Variants in ZNF43 observed in about 807,000 individuals in gnomAD.
ZNF43 encodes the protein zinc finger protein 43.
ZNF43 carries 44 observed loss-of-function variants against 68.4 expected under a neutral mutation model. The ratio of observed to expected loss-of-function variants is 0.64; its 90% CI spans 0.51 to 0.83. The LOEUF (loss-of-function observed/expected upper bound fraction) is 0.83. Ranked by LOEUF, ZNF43 falls within the 40% of genes least tolerant of loss-of-function variation. ZNF43 has a pLI of 0.00. For missense variants in ZNF43, 896 were observed against 933.2 expected, an observed-to-expected ratio of 0.96 and a Z score of 0.52; for synonymous variants, 308 against 307.8, an observed-to-expected ratio of 1.00 and a Z score of -0.01.
Position 21,807,973 on chromosome 19 carries a change from T to C in ZNF43, c.2064A>G (p.Lys688=). The change falls in exon 4 of 4, where the codon AAA becomes AAG. Residue 688 remains lysine (K), a synonymous_variant. Transcript: ENST00000354959. ...TATGTGTAGAAAGGGTTGAGGACAG[T>C]TTAAAAGCTTTGCCACATTCTTCAC... The part of the protein sequence containing the change: ...YKCEECGKAF[K]LSSTLSTHKI... The C allele has an allele frequency of 6.2e-7, 1 of 1,608,184 alleles. No individual in the cohort carries two copies.
intron 1 of ZNF43, among the ~76,000 whole-genome samples, chr19:21,844,913 AAAAAAAAAATAT>A (rs1459842229): frequency 1.0e-5 from 1 of 100,490 alleles, no homozygotes; most frequent in Non-Finnish European, 1.9e-5. Flanking sequence ...AAAAAAAAAA[AAAAAAAAAATAT>A]ATATATATAT....
intron 1 of ZNF43, among the ~76,000 whole-genome samples, chr19:21,851,574 A>C (rs1160760715): frequency 6.6e-6 from 1 of 151,422 alleles, no homozygotes; most frequent in African/African-American, 2.4e-5. Context: ...TTAACAACAG[A>C]AACTGAAGAC....
chr19:21,816,577 G>A (rs1485801073), intron 3 of ZNF43, among the ~76,000 whole-genome samples: 1 of 152,136 alleles, frequency 6.6e-6, no homozygotes, highest in Non-Finnish European at 1.5e-5. Context: ...GAGAGGTCCT[G>A]TTCTTCAAAA....
At chr19:21,838,542 G>A (rs543784926), upstream of ZNF43, among the ~76,000 whole-genome samples, 1 of 152,076 alleles carries the variant, frequency 6.6e-6, no homozygotes, top group African/African-American at 2.4e-5. Context: ...TGGGATTACA[G>A]ATGTGCGCTA....
intron 1 of ZNF43, among the ~76,000 whole-genome samples, chr19:21,850,636 C>T (rs1968284330): frequency 6.6e-6 from 1 of 152,116 alleles, no homozygotes; most frequent in African/African-American, 2.4e-5. Context: ...AGTAACATGT[C>T]CTAACGTCCA....
chr19:21,835,249 C>CAAAAAAAAA (rs377486360), intron 1 of ZNF43, among the ~76,000 whole-genome samples: 50 of 81,946 alleles, frequency 6.1e-4, no homozygotes, highest in South Asian at 1.3e-3. Context: ...AAGTCCATCT[C>CAAAAAAAAA]AAAAAAAAAA....
At chr19:21,828,539 A>C (rs955649054) in intron 1 of ZNF43, among the ~76,000 whole-genome samples, 5 of 151,820 alleles carry the variant, frequency 3.3e-5, no homozygotes, top group African/African-American at 1.2e-4. Context: ...ACATGGAGAA[A>C]CCCTGTCTCT....
At chr19:21,848,654 G>C (rs1006279772) in intron 1 of ZNF43, among the ~76,000 whole-genome samples, 1 of 152,182 alleles carries the variant, frequency 6.6e-6, no homozygotes, top group Non-Finnish European at 1.5e-5. Flanking sequence ...GCTGGGACCA[G>C]ACAGGAAACT....
Position 21,817,789 on chromosome 19 carries a change from G to C in ZNF43, c.229+99C>G. The stretch of plus-strand genomic sequence containing the variant: ...AGGCTTTCCAGAAACTCTTTCCTTT[G>C]GAACACAGCTTCCCAAGTCACATTT... On this transcript the variant is annotated intron_variant, in intron 3 of 3. Coordinates refer to ENST00000354959, the MANE Select transcript of ZNF43 (RefSeq NM_003423.4). The C allele has an allele frequency of 2.4e-6, 3 of 1,265,196 alleles. No individual in the cohort carries two copies. The Admixed American group carries it at 6.5e-5, about 27-fold the overall frequency. The allele number at this position is 1,265,196 out of a possible 1,614,324, so 78.4% of individuals were successfully genotyped here.
At chr19:21,850,546 C>T (rs1389795086) in intron 1 of ZNF43, among the ~76,000 whole-genome samples, 2 of 149,204 alleles carry the variant, frequency 1.3e-5, no homozygotes, top group Non-Finnish European at 1.5e-5. Flanking sequence ...GGAGACAAGG[C>T]GATTCTCTGT....
Position 21,809,098 on chromosome 19 carries a change from A to G in ZNF43, c.939T>C (p.Pro313=), listed in dbSNP as rs766069023. The change falls in exon 4 of 4, where the codon CCT becomes CCC. Residue 313 remains proline (P), a synonymous_variant. Transcript: ENST00000354959. ...EHKKIHPGEK[P]YKCEECGKAF... ...CTTTGCCACATTCTTCACATTTGTA[A>G]GGTTTCTCTCCAGGATGAATTTTCT... The G allele has an allele frequency of 1.4e-5, 22 of 1,606,518 alleles. No homozygotes were observed. The South Asian group carries it at 1.8e-4, about 13-fold the overall frequency.
At chr19:21,812,174 T>G in intron 3 of ZNF43, 1 of 363,760 alleles carries the variant, frequency 2.7e-6, no homozygotes, top group Non-Finnish European at 4.9e-6. Context: ...TCACCCATGC[T>G]GGAGTGCAGC....
intron 1 of ZNF43, among the ~76,000 whole-genome samples, chr19:21,835,355 G>GTTT (rs554756455): frequency 1.8e-4 from 22 of 119,604 alleles, no homozygotes; most frequent in African/African-American, 3.3e-4. Flanking sequence ...ATCTAGTTTA[G>GTTT]TTTTTTTTTT....
chr19:21,814,624 T>G (rs1353641444), intron 3 of ZNF43, among the ~76,000 whole-genome samples: 1 of 152,008 alleles, frequency 6.6e-6, no homozygotes, highest in Non-Finnish European at 1.5e-5. Context: ...TTAGCCAGGA[T>G]GGTCTCATCT....
chr19:21,849,652 A>C (rs556257192), intron 1 of ZNF43, among the ~76,000 whole-genome samples: 102 of 150,280 alleles, frequency 6.8e-4, no homozygotes, highest in Non-Finnish European at 1.4e-3. Context: ...TCTACTAAAA[A>C]TATAAAAATT....
chr19:21,818,057 A>C, intron 2 of ZNF43, 71 bp from the exon 3 acceptor site: 1 of 1,459,904 alleles, frequency 6.8e-7, no homozygotes, highest in Non-Finnish European at 9.5e-7. Context: ...TAATGTGTCC[A>C]GTATGAAGGG....
intron 1 of ZNF43, among the ~76,000 whole-genome samples, chr19:21,827,684 G>A (rs1319250146): frequency 1.6e-5 from 2 of 121,796 alleles, no homozygotes; most frequent in Non-Finnish European, 3.3e-5. Context: ...TTTTTGAGAT[G>A]GAGTTGAGCT....
intron 3 of ZNF43, among the ~76,000 whole-genome samples, chr19:21,815,047 G>C (rs1030226902): frequency 6.6e-6 from 1 of 151,976 alleles, no homozygotes; most frequent in Admixed American, 6.6e-5. Flanking sequence ...AATTAGCTGG[G>C]CATGATGGCA....
rs912494115 is a variant in ZNF43, at chr19:21,805,662, G to T, written c.*1945C>A. ...CAAAAAAAATTATGAATAGCACAAA[G>T]AATAAAATAAGGTAATTAAAATCAT... is the stretch of plus-strand genomic sequence containing the variant. On this transcript the variant is annotated 3_prime_UTR_variant, in exon 4 of 4. Transcript: ENST00000354959. The T allele has an allele frequency of 6.7e-6, 1 of 150,350 alleles. No homozygotes were observed. The highest frequency in any genetic ancestry group is 6.6e-5 in the Admixed American group (1 of 15,088). The allele number at this position is 150,350 out of a possible 1,614,324, so 9.3% of individuals were successfully genotyped here.
Sources: gnomAD v4.1 joint callset for allele counts (sites outside exome capture counted in the v4.1 genomes callset) on GRCh38, gnomAD v4.1.1 for gene constraint, MANE v1.5 for transcripts, NCBI Gene and HGNC (gene_info 2026-07-23, HGNC 2026-07-21) for gene names.